Variants in RNF150 observed in about 807,000 individuals in gnomAD.
RNF150 encodes ring finger protein 150.
A neutral mutation model predicts 39.3 loss-of-function variants in RNF150; 24 were observed. That is an observed-to-expected ratio of 0.61 (90% CI 0.44 to 0.86). The LOEUF is 0.86. Among genes scored for constraint, RNF150 ranks in the 40% least tolerant of loss-of-function variants. The probability of loss-of-function intolerance (pLI) is 0.00; values close to 1 mark genes in which losing one functional copy is unlikely to be tolerated. For synonymous variants in RNF150, 255 were observed against 227.3 expected, an observed-to-expected ratio of 1.12 and a Z score of -1.10; for missense variants, 502 against 587.8, an observed-to-expected ratio of 0.85 and a Z score of 1.51.
chr4:140,951,159 G>C (rs1211913066), intron 2 of RNF150, among the ~76,000 whole-genome samples: 1 of 152,110 alleles, frequency 6.6e-6, no homozygotes, highest in African/African-American at 2.4e-5. Context: ...TCTAGACCCT[G>C]ATAGCACTTT....
intron 6 of RNF150, among the ~76,000 whole-genome samples, chr4:140,898,995 C>A (rs1386330398): frequency 6.6e-6 from 1 of 152,110 alleles, no homozygotes; most frequent in African/African-American, 2.4e-5. Flanking sequence ...ATTGTTCCTC[C>A]CTGCTGCGAA....
intron 2 of RNF150, among the ~76,000 whole-genome samples, chr4:140,958,792 C>G (rs1732889625): frequency 6.6e-6 from 1 of 152,036 alleles, no homozygotes; most frequent in Non-Finnish European, 1.5e-5. Context: ...AGTACTCATC[C>G]AGGGGCATGA....
In RNF150 at chr4:140,949,306, C is replaced by T. The variant is rs766379685; in HGVS notation, c.802G>A (p.Asp268Asn). Residue 268 changes from aspartate (D) to asparagine (N), a missense_variant, in exon 3 of 7, where the codon GAC becomes AAC. By Grantham distance (23) the Asp-to-Asn change is conservative. Transcript: ENST00000515673. ...KLQIRTIKKG[D>N]KETESDFDNC... The stretch of plus-strand genomic sequence containing the variant: ...AGAAAAGAGGCTGCTATTACCTTGT[C>T]ACCCTTCTTGATGGTCCTGATCTGG... The T allele has an allele frequency of 2.5e-6, 4 of 1,611,294 alleles. No individual in the cohort carries two copies. Among genetic ancestry groups the T allele is most frequent in the South Asian group, 1.1e-5 (1 of 90,280 alleles).
intron 1 of RNF150, among the ~76,000 whole-genome samples, chr4:141,005,164 G>C (rs570195361): frequency 1.3e-5 from 2 of 152,310 alleles, no homozygotes; most frequent in Non-Finnish European, 2.9e-5. Context: ...CATTCTTCAA[G>C]TTAGGGAGCA....
At chr4:141,146,111 C>G (rs1306362295) in intron 1 of RNF150, among the ~76,000 whole-genome samples, 1 of 152,182 alleles carries the variant, frequency 6.6e-6, no homozygotes, top group African/African-American at 2.4e-5. Flanking sequence ...TGTGATCTAA[C>G]CAACAATGAG....
chr4:141,073,064 C>G (rs906308418), intron 1 of RNF150, among the ~76,000 whole-genome samples: 6 of 152,020 alleles, frequency 3.9e-5, no homozygotes, highest in Middle Eastern at 3.4e-3. Flanking sequence ...TATTTAGTCA[C>G]GGCACCACGG....
chr4:140,934,490 G>C, intron 4 of RNF150, among the ~76,000 whole-genome samples: 1 of 152,124 alleles, frequency 6.6e-6, no homozygotes, highest in Non-Finnish European at 1.5e-5. Context: ...AAGGTAAATT[G>C]CTGCTCACCG....
At chr4:141,205,314 G>C (rs1284327010) in intron 1 of RNF150, among the ~76,000 whole-genome samples, 9 of 151,996 alleles carry the variant, frequency 5.9e-5, no homozygotes, top group Admixed American at 5.9e-4. Context: ...TAAACTTGAG[G>C]ACCTAAGATG....
At chr4:141,202,513 T>TA (rs1219525257) in intron 1 of RNF150, among the ~76,000 whole-genome samples, 1 of 151,914 alleles carries the variant, frequency 6.6e-6, no homozygotes, top group Non-Finnish European at 1.5e-5. Context: ...GTAAGACCTT[T>TA]AAAAAAAATT....
intron 6 of RNF150, among the ~76,000 whole-genome samples, chr4:140,887,776 G>A (rs1729632296): frequency 6.6e-6 from 1 of 152,128 alleles, no homozygotes; most frequent in Non-Finnish European, 1.5e-5. Context: ...CTCTGGGAGG[G>A]GTGGGGAAGA....
At chr4:140,909,098 A>C (rs961402) in intron 6 of RNF150, among the ~76,000 whole-genome samples, 58,638 of 152,042 alleles carry the variant, frequency 0.39, 11,891 homozygotes, top group East Asian at 0.65. Context: ...AATAAATGGA[A>C]AAATTCTGAG....
intron 1 of RNF150, among the ~76,000 whole-genome samples, chr4:141,124,291 G>A (rs1726693072): frequency 6.6e-6 from 1 of 152,248 alleles, no homozygotes; most frequent in Admixed American, 6.5e-5. Context: ...TGTGGTGGGA[G>A]AAGACAATAA....
At chr4:140,959,063 C>T (rs566121831) in intron 2 of RNF150, among the ~76,000 whole-genome samples, 1 of 152,254 alleles carries the variant, frequency 6.6e-6, no homozygotes, top group Non-Finnish European at 1.5e-5. Context: ...ACCTGGCCTG[C>T]CTTGCTCGAC....
At chr4:140,930,012 C>G (rs753459257) in intron 4 of RNF150, among the ~76,000 whole-genome samples, 5 of 152,074 alleles carry the variant, frequency 3.3e-5, no homozygotes, top group African/African-American at 4.8e-5. Context: ...AATGCAAAAA[C>G]TAGCTGGGCG....
At chr4:140,993,142 T>TTAGAGATCAGAAACATGAAATAGA in intron 1 of RNF150, among the ~76,000 whole-genome samples, 1 of 152,104 alleles carries the variant, frequency 6.6e-6, no homozygotes, top group East Asian at 1.9e-4. Flanking sequence ...TCTTACAGTT[T>TTAGAGATCAGAAACATGAAATAGA]TAGAGATCAG....
At position 140,922,601 on chromosome 4, in the gene RNF150, C is replaced by A. The variant is rs548785865; in HGVS notation, c.987+3376G>T. ...ATCAAGCTACCAATGACTTTCTTCA[C>A]AGAATTGGAAAAAACTACTTTAAAA... On this transcript the variant is annotated intron_variant, in intron 5 of 6. Transcript: ENST00000515673. Among the ~76,000 whole-genome samples, 764 of 151,828 alleles carry A rather than the reference C, an allele frequency of 5.0e-3. 6 individuals carry two copies. The highest frequency in any genetic ancestry group is 7.1e-3 in the Non-Finnish European group (481 of 67,912).
At chr4:140,936,674 T>G (rs1389049589) in intron 4 of RNF150, among the ~76,000 whole-genome samples, 1 of 152,048 alleles carries the variant, frequency 6.6e-6, no homozygotes. Context: ...ATAAAAATAC[T>G]TAATAAAAAG....
intron 1 of RNF150, among the ~76,000 whole-genome samples, chr4:141,036,042 A>G (rs1736130462): frequency 6.6e-6 from 1 of 152,212 alleles, no homozygotes; most frequent in African/African-American, 2.4e-5. Context: ...GTGGAAAGCC[A>G]GGAGGGCCTT....
intron 4 of RNF150, among the ~76,000 whole-genome samples, chr4:140,947,271 A>G (rs1732354029): frequency 6.6e-6 from 1 of 152,140 alleles, no homozygotes; most frequent in Non-Finnish European, 1.5e-5. Context: ...TTCACAAAAT[A>G]TTTTTCAGAG....
Sources: allele counts gnomAD v4.1 joint callset (sites outside exome capture counted in the v4.1 genomes callset), GRCh38; gene constraint gnomAD v4.1.1; transcripts MANE v1.5; gene names NCBI Gene and HGNC (gene_info 2026-07-23, HGNC 2026-07-21).